ANXA8: variants seen among roughly 807,000 people sequenced by gnomAD.
ANXA8 encodes the protein VAC-beta.
ANXA8 carries 9 observed loss-of-function variants against 26.8 expected under a neutral mutation model. The ratio of observed to expected loss-of-function variants is 0.34; its 90% CI spans 0.20 to 0.59. The LOEUF is 0.59. Ranked by LOEUF, ANXA8 falls within the 20% of genes least tolerant of loss-of-function variation. The probability of loss-of-function intolerance (pLI) is 0.84; values close to 1 mark genes in which losing one functional copy is unlikely to be tolerated. For missense variants in ANXA8, 83 were observed against 238.5 expected (o/e 0.35, Z 4.29); for synonymous variants, 39 against 94.8 (o/e 0.41, Z 3.42).
the ANXA8 span, among the ~76,000 whole-genome samples, chr10:47,584,094 C>T: frequency 2.7e-3 from 390 of 146,936 alleles, 18 homozygotes; most frequent in African/African-American, 9.8e-3. Flanking sequence ...GCACCAGCAT[C>T]GCCCAGCCCG....
chr10:47,733,283 C>G, the ANXA8 span, among the ~76,000 whole-genome samples: 3 of 80,524 alleles, frequency 3.7e-5, 1 homozygote, highest in African/African-American at 1.8e-4. Flanking sequence ...TTCTTTCTTT[C>G]TTTCTTTCTT....
chr10:47,696,772 G>A, the ANXA8 span, among the ~76,000 whole-genome samples: 1 of 146,766 alleles, frequency 6.8e-6, no homozygotes, highest in African/African-American at 2.5e-5. Context: ...CACCTTTTAG[G>A]GAGTCAGAGA....
At chr10:47,673,436 G>C in the ANXA8 span, among the ~76,000 whole-genome samples, 1 of 150,628 alleles carries the variant, frequency 6.6e-6, no homozygotes, top group Non-Finnish European at 1.5e-5. Context: ...CAAGGACTGG[G>C]GACAGGGCAG....
the ANXA8 span, among the ~76,000 whole-genome samples, chr10:47,735,380 C>T: frequency 6.7e-6 from 1 of 148,384 alleles, no homozygotes; most frequent in East Asian, 2.0e-4. Context: ...TAGGCGTGAG[C>T]CACTGCACCA....
At chr10:47,976,525 C>T in the ANXA8 span, among the ~76,000 whole-genome samples, 1 of 142,642 alleles carries the variant, frequency 7.0e-6, no homozygotes, top group Non-Finnish European at 1.5e-5. Flanking sequence ...CTGGACAACA[C>T]AGAGACAACC....
chr10:47,506,323 C>T, the ANXA8 span, among the ~76,000 whole-genome samples: 1 of 137,000 alleles, frequency 7.3e-6, no homozygotes, highest in African/African-American at 2.7e-5. Flanking sequence ...GTTAGGTCAT[C>T]TTATTGCTTC....
intron 4 of ANXA8, 85 bp from the exon 5 acceptor site, chr10:47,476,407 C>A: frequency 6.0e-6 from 3 of 503,940 alleles, no homozygotes; most frequent in Non-Finnish European, 7.0e-6. Context: ...GATGCCTGAG[C>A]CTCAGGAAGG....
At chr10:47,711,699 G>T in the ANXA8 span, among the ~76,000 whole-genome samples, 1 of 131,988 alleles carries the variant, frequency 7.6e-6, no homozygotes, top group Non-Finnish European at 1.6e-5. Context: ...TGCTACACAA[G>T]AATGTAGGTC....
the ANXA8 span, among the ~76,000 whole-genome samples, chr10:47,563,941 A>G: frequency 6.7e-6 from 1 of 150,324 alleles, no homozygotes; most frequent in Non-Finnish European, 1.5e-5. Context: ...AACATATTCT[A>G]TAAATAAGAC....
chr10:47,555,129 T>A, the ANXA8 span, among the ~76,000 whole-genome samples: 3 of 151,282 alleles, frequency 2.0e-5, no homozygotes, highest in African/African-American at 7.3e-5. Flanking sequence ...CTCGCCTGGC[T>A]CCTGCAGGCG....
the ANXA8 span, among the ~76,000 whole-genome samples, chr10:47,660,260 A>C: frequency 4.7e-5 from 7 of 148,194 alleles, no homozygotes; most frequent in African/African-American, 1.8e-4. Flanking sequence ...ATGGCTTTTG[A>C]GAGCCTGCTC....
At chr10:47,614,132 A>G in the ANXA8 span, among the ~76,000 whole-genome samples, 1 of 74,236 alleles carries the variant, frequency 1.3e-5, no homozygotes, top group African/African-American at 3.9e-5. Flanking sequence ...CGCAGCCCCT[A>G]CTGTCTTATA....
the ANXA8 span, among the ~76,000 whole-genome samples, chr10:47,610,266 T>C: frequency 1.4e-5 from 2 of 145,930 alleles, no homozygotes; most frequent in Non-Finnish European, 3.0e-5. Context: ...TAGTTTTTTA[T>C]TTGTAGTTTT....
chr10:47,687,719 C>T, the ANXA8 span, among the ~76,000 whole-genome samples: 293 of 151,908 alleles, frequency 1.9e-3, 2 homozygotes, highest in Admixed American at 2.9e-3. Context: ...CCAGTTATTC[C>T]TTATGAAGGT....
At chr10:47,740,355 T>C in the ANXA8 span, among the ~76,000 whole-genome samples, 1 of 145,734 alleles carries the variant, frequency 6.9e-6, no homozygotes, top group Non-Finnish European at 1.5e-5. Flanking sequence ...TCTTGGAATT[T>C]AAAAAAAAAT....
the ANXA8 span, among the ~76,000 whole-genome samples, chr10:47,699,961 G>A: frequency 6.6e-6 from 1 of 151,826 alleles, no homozygotes; most frequent in Admixed American, 6.6e-5. Flanking sequence ...CAAGAAATAT[G>A]CAAAGCCTAT....
At chr10:47,591,285 T>C in the ANXA8 span, among the ~76,000 whole-genome samples, 52 of 144,310 alleles carry the variant, frequency 3.6e-4, 6 homozygotes, top group African/African-American at 1.4e-3. Flanking sequence ...TCATTTATGC[T>C]TCCTATTGAT....
At chr10:47,484,408 T>C (rs1314716405), upstream of ANXA8, 23 of 1,085,618 alleles carry the variant, frequency 2.1e-5, no homozygotes, top group Non-Finnish European at 2.8e-5. Context: ...CTAATAGCCA[T>C]GGAGTATGCC....
the ANXA8 span, chr10:47,710,174 A>C: frequency 2.0e-6 from 2 of 984,934 alleles, no homozygotes; most frequent in Non-Finnish European, 1.5e-6. Flanking sequence ...GTCAAGAAAA[A>C]TGTAATGTTG....
Sources: allele counts gnomAD v4.1 joint callset (sites outside exome capture counted in the v4.1 genomes callset), GRCh38; gene constraint gnomAD v4.1.1; transcripts MANE v1.5; gene names NCBI Gene and HGNC (gene_info 2026-07-23, HGNC 2026-07-21).